GRK4: variants seen among roughly 807,000 people sequenced by gnomAD.
The protein encoded by GRK4 is G protein-coupled receptor kinase 2-like.
A neutral mutation model predicts 77.9 loss-of-function variants in GRK4; 73 were observed. That is an observed-to-expected ratio of 0.94 (90% CI 0.78 to 1.14). The LOEUF is 1.14. Ranked by LOEUF, GRK4 falls within the 50% of genes most tolerant of loss-of-function variation. The probability of loss-of-function intolerance (pLI) is 0.00; values close to 1 mark genes in which losing one functional copy is unlikely to be tolerated. For synonymous variants in GRK4, 257 were observed against 254.4 expected, an observed-to-expected ratio of 1.01 and a Z score of -0.10; for missense variants, 729 against 700.2, an observed-to-expected ratio of 1.04 and a Z score of -0.46.
chr4:3,039,512 A>C (rs1237987572), intron 15 of GRK4, among the ~76,000 whole-genome samples: 2 of 152,012 alleles, frequency 1.3e-5, no homozygotes, highest in East Asian at 3.9e-4. Context: ...AGCTTAGCCA[A>C]CATGGTGAAA....
chr4:3,025,685 C>G (rs1737332089), intron 10 of GRK4, among the ~76,000 whole-genome samples: 1 of 152,046 alleles, frequency 6.6e-6, no homozygotes, highest in African/African-American at 2.4e-5. Context: ...AGCACCGCGC[C>G]CGGCCAGCAA....
rs552787958 is a variant in GRK4 at position 2,993,705 on chromosome 4, C to T, written c.339+1413C>T. ...AACAAACAAAAAAACACAAAAAAAT[C>T]ACTGCTCTAACATGTAATACATTAT... On this transcript the variant is annotated intron_variant, in intron 4 of 15. Transcript: ENST00000398052. 2.6e-4 allele frequency among the ~76,000 whole-genome samples: 40 copies of T among 152,058 alleles called. 1 individual carries two copies. In the South Asian group the frequency reaches 8.3e-3, roughly 32 times the overall value.
intron 1 of GRK4, among the ~76,000 whole-genome samples, chr4:2,983,521 C>T (rs568520613): frequency 3.3e-5 from 5 of 152,200 alleles, no homozygotes; most frequent in Admixed American, 6.5e-5. Context: ...ATGCTCTTCT[C>T]CCAGCACTTG....
chr4:2,987,267 C>T (rs1724692202), intron 2 of GRK4: 6 of 360,480 alleles, frequency 1.7e-5, no homozygotes. Flanking sequence ...TGTCAAAGTA[C>T]TTCATCCTTT....
chr4:2,989,572 A>G (rs994639450), intron 3 of GRK4, among the ~76,000 whole-genome samples: 4 of 152,122 alleles, frequency 2.6e-5, no homozygotes, highest in African/African-American at 9.7e-5. Context: ...AAGTGCTGGG[A>G]TTACAGGCAT....
chr4:2,975,563 C>G (rs2109452958), intron 1 of GRK4, among the ~76,000 whole-genome samples: 1 of 152,238 alleles, frequency 6.6e-6, no homozygotes, highest in South Asian at 2.1e-4. Context: ...CCAGTTCTGC[C>G]CTCACCTGTG....
chr4:3,022,587 T>C (rs1736395116), intron 10 of GRK4, 136 bp downstream of exon 10: 2 of 756,532 alleles, frequency 2.6e-6, no homozygotes, highest in South Asian at 2.0e-5. Flanking sequence ...CTCTGTGGTA[T>C]GTGTTCATTT....
At chr4:3,004,979 C>T (rs1208023285) in intron 5 of GRK4, among the ~76,000 whole-genome samples, 1 of 152,016 alleles carries the variant, frequency 6.6e-6, no homozygotes, top group Non-Finnish European at 1.5e-5. Flanking sequence ...GGGGTCCCAT[C>T]GTTTAGCACC....
In GRK4 at chr4:2,992,199, C is replaced by T; in HGVS notation, c.262-16C>T. 1.1e-5 allele frequency: 17 copies of T among 1,588,754 alleles called. No homozygotes were observed. Among genetic ancestry groups the T allele is most frequent in the Non-Finnish European group, 1.4e-5 (16 of 1,157,572 alleles). The stretch of plus-strand genomic sequence containing the variant: ...CAGCTTAACTGTTCTTTCTTTTCTT[C>T]CATCTCTCCAATCAGGCAGAATATG... On this transcript the variant is annotated splice_polypyrimidine_tract_variant and intron_variant, in intron 3 of 15. Coordinates refer to ENST00000398052, the MANE Select transcript of GRK4 (RefSeq NM_182982.3).
rs765922759 is a variant in GRK4, at chr4:2,964,154, C to CG, written c.52+32_52+33insG. 3.9e-5 allele frequency: 60 copies of CG among 1,544,962 alleles called. No homozygotes were observed. The African/African-American group carries it at 7.9e-4, about 20-fold the overall frequency. On this transcript the variant is annotated intron_variant, in intron 1 of 15. Coordinates refer to ENST00000398052, the MANE Select transcript of GRK4 (RefSeq NM_182982.3). The stretch of plus-strand genomic sequence containing the variant: ...GCGCGGCAGGCGCCCCCGACCCCCC[C>CG]CCCAGAGAACCCCGAATCCCGGGGA...
At chr4:3,013,965 C>T in intron 8 of GRK4, 137 bp downstream of exon 8, 1 of 897,050 alleles carries the variant, frequency 1.1e-6, no homozygotes, top group Non-Finnish European at 1.6e-6. Context: ...GGGGTTTGCT[C>T]TTTTTAGTAA....
intron 14 of GRK4, 33 bp from the exon 15 acceptor site, chr4:3,038,343 C>T (rs367619372): frequency 1.0e-4 from 166 of 1,611,788 alleles, no homozygotes; most frequent in Non-Finnish European, 1.3e-4. Flanking sequence ...AGTTTCTCTG[C>T]GGCTTCTCTG....
At chr4:3,037,085 G>GTGTA (rs1357270811) in intron 13 of GRK4, among the ~76,000 whole-genome samples, 5 of 43,246 alleles carry the variant, frequency 1.2e-4, no homozygotes, top group South Asian at 1.9e-3. Flanking sequence ...GTGTGTGTAT[G>GTGTA]TGTGTGTGTG....
rs116506017 is a variant in GRK4 at position 2,972,878 on chromosome 4, G to C, written c.52+8756G>C. On this transcript the variant is annotated intron_variant, in intron 1 of 15. Coordinates refer to ENST00000398052, the MANE Select transcript of GRK4 (RefSeq NM_182982.3). The stretch of plus-strand genomic sequence containing the variant: ...GCGTCCCGAGTAGCTAAGACTACAG[G>C]TGTACACTGCCATCCCCAGCTAATG... Among the ~76,000 whole-genome samples, 526 of 152,246 alleles carry C rather than the reference G, an allele frequency of 3.5e-3. 5 individuals are homozygous for C. The highest frequency in any genetic ancestry group is 9.1e-3 in the African/African-American group (378 of 41,536).
At chr4:3,005,416 A>G (rs1181340794) in intron 5 of GRK4, among the ~76,000 whole-genome samples, 1 of 151,900 alleles carries the variant, frequency 6.6e-6, no homozygotes, top group Non-Finnish European at 1.5e-5. Flanking sequence ...TGCAGCTCAC[A>G]TGTGGCAGGG....
intron 11 of GRK4, among the ~76,000 whole-genome samples, 176 bp from the exon 12 acceptor site, chr4:3,029,025 G>A (rs930973833): frequency 1.3e-5 from 2 of 152,068 alleles, no homozygotes; most frequent in Non-Finnish European, 1.5e-5. Flanking sequence ...GCCTGCCTTC[G>A]CCTCCCAAAA....
chr4:3,029,369 C>A lies in GRK4; in HGVS notation c.1229C>A (p.Ser410Tyr), dbSNP rs267600137. 1 of 1,614,176 alleles carries A rather than the reference C, an allele frequency of 6.2e-7. No individual in the cohort carries two copies. The highest frequency in any genetic ancestry group is 8.5e-7 in the Non-Finnish European group (1 of 1,180,026). ...QRIKNDTEEYSEKFSEDAKSI... is the reference protein window; with the variant it reads ...QRIKNDTEEYYEKFSEDAKSI... ...ATCAAGAATGATACCGAGGAGTATTCTGAGAAGTTTTCAGAGGATGCCAAA... is the reference window on the plus strand; with the variant it reads ...ATCAAGAATGATACCGAGGAGTATTATGAGAAGTTTTCAGAGGATGCCAAA... The change falls in exon 12 of 16, where the codon TCT becomes TAT. Residue 410 changes from serine to tyrosine, a missense_variant. Coordinates refer to ENST00000398052, the MANE Select transcript of GRK4 (RefSeq NM_182982.3).
intron 1 of GRK4, chr4:2,965,251 A>G (rs1243066660): frequency 4.3e-6 from 3 of 702,996 alleles, no homozygotes; most frequent in Non-Finnish European, 7.8e-6. Context: ...AGTCCTCTGC[A>G]TCCCGCCACA....
intron 5 of GRK4, among the ~76,000 whole-genome samples, chr4:3,007,294 T>C (rs1044950864): frequency 6.6e-6 from 1 of 152,204 alleles, no homozygotes; most frequent in Admixed American, 6.5e-5. Context: ...ATAGGCATGA[T>C]TATTATCTCT....
Sources: gnomAD v4.1 joint callset for allele counts (sites outside exome capture counted in the v4.1 genomes callset) on GRCh38, gnomAD v4.1.1 for gene constraint, MANE v1.5 for transcripts, NCBI Gene and HGNC (gene_info 2026-07-23, HGNC 2026-07-21) for gene names.